Variants in CDH11 observed in about 807,000 individuals in gnomAD.
CDH11 encodes cadherin-11.
Under a neutral mutation model 67.8 loss-of-function variants are expected in CDH11, and 11 were observed. The observed-to-expected ratio is 0.16, with a 90% CI of 0.10 to 0.27. CDH11 has a LOEUF of 0.27. CDH11 is among the 10% of genes least tolerant of loss of function. The pLI, the probability that CDH11 is intolerant of heterozygous loss-of-function variation, is 1.00. For synonymous variants in CDH11, 419 were observed against 400.0 expected (o/e 1.05, Z -0.57); for missense variants, 847 against 1,031.2 (o/e 0.82, Z 2.45).
chr16:64,977,443 T>G (rs1234058484), intron 8 of CDH11, among the ~76,000 whole-genome samples: 1 of 152,134 alleles, frequency 6.6e-6, no homozygotes, highest in Non-Finnish European at 1.5e-5. Flanking sequence ...TGAGTGAGTG[T>G]TTTTACGTCA....
chr16:64,962,058 C>G (rs887190532), intron 11 of CDH11, among the ~76,000 whole-genome samples: 1 of 152,024 alleles, frequency 6.6e-6, no homozygotes, highest in Non-Finnish European at 1.5e-5. Context: ...AAGTGTAAAT[C>G]TATGCAATTA....
At chr16:64,994,502 G>T (rs1171644825) in intron 4 of CDH11, among the ~76,000 whole-genome samples, 1 of 152,164 alleles carries the variant, frequency 6.6e-6, no homozygotes, top group African/African-American at 2.4e-5. Context: ...ATGATTCATA[G>T]TACTGTCTGA....
At chr16:65,035,408 A>ATAGCCTGTCAC (rs1232951806) in intron 2 of CDH11, among the ~76,000 whole-genome samples, 1 of 152,240 alleles carries the variant, frequency 6.6e-6, no homozygotes, top group East Asian at 1.9e-4. Context: ...CAGTGGAAGT[A>ATAGCCTGTCAC]TAGCCTGTCA....
chr16:65,113,942 C>T lies in CDH11; in HGVS notation c.-298+7938G>A, dbSNP rs529286194. ...CAGTGTGTGAAACTAACAAAGTGTTCAATAAATGCAAGGTTTTAACTATTA... is the reference window on the plus strand; with the variant it reads ...CAGTGTGTGAAACTAACAAAGTGTTTAATAAATGCAAGGTTTTAACTATTA... On this transcript the variant is annotated intron_variant, in intron 1 of 12. Transcript: ENST00000268603. Among the ~76,000 whole-genome samples, 4 of 152,160 alleles carry T rather than the reference C, an allele frequency of 2.6e-5. No homozygotes were observed. In the East Asian group the frequency reaches 7.7e-4, roughly 29 times the overall value.
chr16:65,051,860 CTG>C (rs1176470998), intron 2 of CDH11, among the ~76,000 whole-genome samples: 9 of 152,204 alleles, frequency 5.9e-5, no homozygotes, highest in African/African-American at 2.2e-4. Context: ...CCATGCAGAA[CTG>C]TGAGTCAATT....
chr16:64,990,505 G>A (rs2142488323), intron 6 of CDH11, among the ~76,000 whole-genome samples: 1 of 143,962 alleles, frequency 6.9e-6, no homozygotes, highest in African/African-American at 2.5e-5. Flanking sequence ...CCATGCATTA[G>A]CAGCACCAGC....
chr16:64,985,755 T>C (rs1485855873), intron 7 of CDH11: 1 of 147,978 alleles, frequency 6.8e-6, no homozygotes, highest in Non-Finnish European at 1.5e-5. Context: ...TGACCTTTAG[T>C]GAGGGGAAGC....
At chr16:65,004,235 T>C (rs1208726672) in intron 3 of CDH11, among the ~76,000 whole-genome samples, 2 of 152,066 alleles carry the variant, frequency 1.3e-5, no homozygotes, top group Admixed American at 6.6e-5. Flanking sequence ...TAGCCAGGCA[T>C]GGTGGCATGA....
chr16:64,995,857 G>A (rs2072749537), intron 4 of CDH11, among the ~76,000 whole-genome samples: 4 of 152,000 alleles, frequency 2.6e-5, no homozygotes, highest in South Asian at 2.1e-4. Context: ...CCCAACAAAG[G>A]TCTAGTATCC....
At chr16:65,096,453 G>C (rs372844517) in intron 1 of CDH11, among the ~76,000 whole-genome samples, 1 of 123,072 alleles carries the variant, frequency 8.1e-6, no homozygotes, top group East Asian at 2.7e-4. Context: ...GTATATATAT[G>C]TTTATATATG....
At chr16:64,965,205 C>CAA (rs71143537) in intron 11 of CDH11, among the ~76,000 whole-genome samples, 8,037 of 56,796 alleles carry the variant, frequency 0.14, 1,364 homozygotes, top group East Asian at 0.36. Flanking sequence ...CTAAAAATAC[C>CAA]AAAAAAAAAA....
Position 64,988,246 on chromosome 16 carries a change from T to A in CDH11, c.910A>T (p.Thr304Ser). The A allele has an allele frequency of 6.2e-7, 1 of 1,613,682 alleles. No homozygotes were observed. Among genetic ancestry groups the A allele is most frequent in the Non-Finnish European group, 8.5e-7 (1 of 1,179,636 alleles). The part of the protein sequence containing the change: ...DPDIGENGLV[T>S]YNIVDGDGME... ...CCATCTCCATCAACAATATTGTATG[T>A]GACTAAGCCATTTTCTCCAATGTCT... The change falls in exon 7 of 13, where the codon ACA becomes TCA. Residue 304 changes from threonine to serine, a missense_variant. By Grantham distance (58) the Thr-to-Ser change is moderately conservative. This residue lies in a region of CDH11 where 612 missense variants were observed against 678.7 expected (regional missense o/e 0.90). Coordinates refer to ENST00000268603, the MANE Select transcript of CDH11 (RefSeq NM_001797.4).
chr16:64,973,848 G>A (rs1343702296), intron 8 of CDH11, among the ~76,000 whole-genome samples: 1 of 152,048 alleles, frequency 6.6e-6, no homozygotes, highest in African/African-American at 2.4e-5. Context: ...CTACATTTTA[G>A]TAAATCTGTT....
intron 3 of CDH11, among the ~76,000 whole-genome samples, chr16:65,004,369 T>C (rs1281599857): frequency 6.6e-6 from 1 of 152,190 alleles, no homozygotes; most frequent in Non-Finnish European, 1.5e-5. Flanking sequence ...AGAGACCCCA[T>C]ATCTAAATAA....
intron 2 of CDH11, 57 bp from the exon 3 acceptor site, chr16:65,005,098 T>G (rs2073019415): frequency 7.5e-6 from 10 of 1,326,152 alleles, no homozygotes; most frequent in Non-Finnish European, 9.6e-6. Context: ...TCATTTCCAT[T>G]CCTTTCAGTA....
intron 1 of CDH11, among the ~76,000 whole-genome samples, chr16:65,098,464 CT>C (rs1245685475): frequency 1.3e-5 from 2 of 152,030 alleles, no homozygotes; most frequent in East Asian, 3.9e-4. Context: ...TCAAATTACC[CT>C]CATTTGTCTA....
At chr16:65,071,771 A>G (rs1200805923) in intron 1 of CDH11, among the ~76,000 whole-genome samples, 3 of 152,222 alleles carry the variant, frequency 2.0e-5, no homozygotes, top group African/African-American at 7.2e-5. Flanking sequence ...AGGCTGGAAT[A>G]AAAACAAACT....
At chr16:64,986,546 A>G (rs539786964) in intron 7 of CDH11, 2 of 151,946 alleles carry the variant, frequency 1.3e-5, no homozygotes, top group East Asian at 2.0e-4. Context: ...GCTGATGTCA[A>G]TGTTCATATG....
intron 2 of CDH11, among the ~76,000 whole-genome samples, chr16:65,037,131 G>T (rs1394515626): frequency 6.6e-6 from 1 of 152,156 alleles, no homozygotes; most frequent in East Asian, 1.9e-4. Context: ...GGCAGAGGAA[G>T]AGCTCCCTGA....
Sources: gnomAD v4.1 joint callset for allele counts (sites outside exome capture counted in the v4.1 genomes callset) on GRCh38, gnomAD v4.1.1 for gene constraint, gnomAD v4.1.1 regional missense constraint, MANE v1.5 for transcripts, NCBI Gene and HGNC (gene_info 2026-07-23, HGNC 2026-07-21) for gene names.